LRRC4C: variants seen among roughly 807,000 people sequenced by gnomAD.
LRRC4C encodes the protein leucine-rich repeat-containing protein 4C.
In LRRC4C, 5 loss-of-function variants were observed where a neutral mutation model predicts 33.6. The ratio of observed to expected loss-of-function variants is 0.15; its 90% CI spans 0.08 to 0.31. The LOEUF (loss-of-function observed/expected upper bound fraction) is 0.31, where lower values mean the gene tolerates loss of function less well. Ranked by LOEUF, LRRC4C falls within the 10% of genes least tolerant of loss-of-function variation. The pLI is 1.00. For missense variants in LRRC4C, 560 were observed against 796.7 expected, an observed-to-expected ratio of 0.70 and a Z score of 3.58; for synonymous variants, 329 against 302.0, an observed-to-expected ratio of 1.09 and a Z score of -0.93.
At position 40,742,185 on chromosome 11, in the gene LRRC4C, C is replaced by A. The variant is rs193058514; in HGVS notation, c.-406-93907G>T. 2.9e-3 allele frequency among the ~76,000 whole-genome samples: 442 copies of A among 151,974 alleles called. 3 individuals are homozygous for A. The highest frequency in any genetic ancestry group is 0.012 in the Admixed American group (176 of 15,236). On this transcript the variant is annotated intron_variant, in intron 2 of 6. Coordinates refer to ENST00000528697, the MANE Select transcript of LRRC4C (RefSeq NM_001258419.2). ...AAATCACATCAAAATTGCTTCTATACTGAATGGTTTTCAAAGATGTCTTTG... is the reference window on the plus strand; with the variant it reads ...AAATCACATCAAAATTGCTTCTATAATGAATGGTTTTCAAAGATGTCTTTG...
rs969901583 is a variant in LRRC4C, at chr11:40,303,410, G to A, written c.-176+16218C>T. On this transcript the variant is annotated intron_variant, in intron 4 of 6. Coordinates refer to ENST00000528697, the MANE Select transcript of LRRC4C (RefSeq NM_001258419.2). ...TCAAAATAATGCTCTATGAACATGGGATGGGCTTCCTTATAAGGGTGATTT... is the reference window on the plus strand; with the variant it reads ...TCAAAATAATGCTCTATGAACATGGAATGGGCTTCCTTATAAGGGTGATTT... Among the ~76,000 whole-genome samples, 35 of 152,260 alleles carry A rather than the reference G, an allele frequency of 2.3e-4. 1 individual carries two copies. The highest frequency in any genetic ancestry group is 2.2e-3 in the Admixed American group (33 of 15,290).
At chr11:41,289,427 A>G (rs1021658571) in intron 1 of LRRC4C, among the ~76,000 whole-genome samples, 1 of 152,236 alleles carries the variant, frequency 6.6e-6, no homozygotes, top group Non-Finnish European at 1.5e-5. Context: ...AACGGTTAAC[A>G]TAACTGTATT....
chr11:40,142,277 CAAAAAAAAAAAAAAA>C (rs10577509), intron 5 of LRRC4C, among the ~76,000 whole-genome samples: 6 of 60,780 alleles, frequency 9.9e-5, no homozygotes, highest in African/African-American at 2.0e-4. Context: ...GATTCTGTCT[CAAAAAAAAAAAAAAA>C]AAAAAAAAAA....
rs143882133 is a variant in LRRC4C at position 41,198,294 on chromosome 11, A to G, written c.-496+261137T>C. On this transcript the variant is annotated intron_variant, in intron 1 of 6. Coordinates refer to ENST00000528697, the MANE Select transcript of LRRC4C (RefSeq NM_001258419.2). ...TTTTTATGTTCCTATTTAAAAATGT[A>G]TTATGGTGGAAACCTATATTACTAT... Among the ~76,000 whole-genome samples, 663 of 152,134 alleles carry G rather than the reference A, an allele frequency of 4.4e-3. 5 individuals carry two copies. Among genetic ancestry groups the G allele is most frequent in the African/African-American group, 0.015 (620 of 41,548 alleles).
In LRRC4C at chr11:40,136,518, C is replaced by T. The variant is rs572422931; in HGVS notation, c.-43+4283G>A. Among the ~76,000 whole-genome samples the T allele has an allele frequency of 1.4e-4, 22 of 151,728 alleles. No homozygotes were observed. The East Asian group carries it at 1.8e-3, about 12-fold the overall frequency. Reference sequence around the variant, plus strand: ...GTCTCGATCTCCTGACCTCGTGACCCGCCCACCTCGGCCTCCCAAAGTGCT... The same window carrying T: ...GTCTCGATCTCCTGACCTCGTGACCTGCCCACCTCGGCCTCCCAAAGTGCT... On this transcript the variant is annotated intron_variant, in intron 6 of 6. Coordinates refer to ENST00000528697, the MANE Select transcript of LRRC4C (RefSeq NM_001258419.2).
At chr11:41,162,376 G>T (rs1477832309) in intron 1 of LRRC4C, among the ~76,000 whole-genome samples, 1 of 152,062 alleles carries the variant, frequency 6.6e-6, no homozygotes, top group Non-Finnish European at 1.5e-5. Flanking sequence ...GAGAAGAGGG[G>T]TATTATTTAC....
chr11:40,818,827 C>T (rs1212013495), intron 2 of LRRC4C, among the ~76,000 whole-genome samples: 1 of 151,970 alleles, frequency 6.6e-6, no homozygotes. Context: ...ATTTTGTTAA[C>T]CAATTCATAC....
intron 2 of LRRC4C, among the ~76,000 whole-genome samples, chr11:40,911,258 T>C (rs1037003689): frequency 2.0e-5 from 3 of 152,002 alleles, no homozygotes; most frequent in Non-Finnish European, 4.4e-5. Context: ...CTCAAGAGGG[T>C]CCCTGAACCC....
chr11:40,414,827 G>A (rs758280682), intron 3 of LRRC4C, among the ~76,000 whole-genome samples: 16 of 152,028 alleles, frequency 1.1e-4, no homozygotes, highest in Non-Finnish European at 2.4e-4. Flanking sequence ...TCTCTCCGAA[G>A]GGATGGAACT....
intron 2 of LRRC4C, among the ~76,000 whole-genome samples, chr11:40,768,964 G>A (rs1040691274): frequency 3.9e-5 from 6 of 152,066 alleles, no homozygotes; most frequent in African/African-American, 1.4e-4. Flanking sequence ...AATTCACATA[G>A]TACTATTAGT....
intron 1 of LRRC4C, among the ~76,000 whole-genome samples, chr11:41,254,117 T>A (rs1278059912): frequency 6.6e-6 from 1 of 152,074 alleles, no homozygotes; most frequent in Non-Finnish European, 1.5e-5. Context: ...AAGAAATTAA[T>A]ATGAATTTAT....
chr11:41,100,900 C>T (rs1349797863), intron 1 of LRRC4C, among the ~76,000 whole-genome samples: 1 of 152,076 alleles, frequency 6.6e-6, no homozygotes, highest in East Asian at 1.9e-4. Context: ...CACCTACAAC[C>T]ATCTGATCTT....
intron 3 of LRRC4C, among the ~76,000 whole-genome samples, chr11:40,575,519 T>C (rs1473734451): frequency 6.6e-6 from 1 of 152,016 alleles, no homozygotes; most frequent in Non-Finnish European, 1.5e-5. Context: ...TTAGGAAGGG[T>C]TCCAAGAATT....
At chr11:41,355,715 A>G (rs1267359635) in intron 1 of LRRC4C, among the ~76,000 whole-genome samples, 9 of 152,068 alleles carry the variant, frequency 5.9e-5, no homozygotes, top group African/African-American at 1.4e-4. Flanking sequence ...TATTTAATTG[A>G]GCTATGTACA....
At chr11:41,188,589 A>G (rs1452641352) in intron 1 of LRRC4C, among the ~76,000 whole-genome samples, 2 of 151,858 alleles carry the variant, frequency 1.3e-5, no homozygotes, top group African/African-American at 4.8e-5. Flanking sequence ...TGTGAAGATC[A>G]GGTGAGCTGA....
chr11:40,856,053 G>T (rs1308754880), intron 2 of LRRC4C, among the ~76,000 whole-genome samples: 1 of 151,918 alleles, frequency 6.6e-6, no homozygotes, highest in Non-Finnish European at 1.5e-5. Flanking sequence ...AAATACTCCA[G>T]TTACATAAAT....
intron 1 of LRRC4C, among the ~76,000 whole-genome samples, chr11:41,402,627 A>G (rs1405058328): frequency 1.3e-5 from 2 of 152,076 alleles, no homozygotes; most frequent in Non-Finnish European, 2.9e-5. Flanking sequence ...ATGTATTTTA[A>G]GAAACCAAAG....
rs926364503 is a variant in LRRC4C at position 41,454,364 on chromosome 11, C to T, written c.-496+5067G>A. Among the ~76,000 whole-genome samples the T allele has an allele frequency of 3.3e-5, 5 of 152,056 alleles. No individual in the cohort carries two copies. The East Asian group carries it at 5.8e-4, about 18-fold the overall frequency. On this transcript the variant is annotated intron_variant, in intron 1 of 6. Coordinates refer to ENST00000528697, the MANE Select transcript of LRRC4C (RefSeq NM_001258419.2). ...CTATCAAGTCAAAATTCCAAGGGGC[C>T]GCCTTTAAGACTGCAGCATTCCCTG...
rs974237384 is a variant in LRRC4C at position 40,727,744 on chromosome 11, A to G, written c.-406-79466T>C. 3.3e-5 allele frequency among the ~76,000 whole-genome samples: 5 copies of G among 152,266 alleles called. No homozygotes were observed. The South Asian group carries it at 6.2e-4, about 19-fold the overall frequency. ...TAACCCTATTACAAGCAGGCAAAGA[A>G]CATGTCAAAAGAAGACATACAAGGC... On this transcript the variant is annotated intron_variant, in intron 2 of 6. Coordinates refer to ENST00000528697, the MANE Select transcript of LRRC4C (RefSeq NM_001258419.2).
Sources: allele counts gnomAD v4.1 joint callset (sites outside exome capture counted in the v4.1 genomes callset), GRCh38; gene constraint gnomAD v4.1.1; transcripts MANE v1.5; gene names NCBI Gene and HGNC (gene_info 2026-07-23, HGNC 2026-07-21).